Variants in NPY2R observed in about 807,000 individuals in gnomAD.
NPY2R encodes neuropeptide Y receptor type 2.
In NPY2R, 17 loss-of-function variants were observed where a neutral mutation model predicts 22.3. The ratio of observed to expected loss-of-function variants is 0.76; its 90% CI spans 0.52 to 1.14. The LOEUF (loss-of-function observed/expected upper bound fraction) is 1.14. NPY2R is among the 50% of genes most tolerant of loss of function. The pLI, the probability that NPY2R is intolerant of heterozygous loss-of-function variation, is 0.00. For missense variants in NPY2R, 424 were observed against 467.9 expected (o/e 0.91, Z 0.87); for synonymous variants, 209 against 183.4 (o/e 1.14, Z -1.13).
chr4:155,216,310 C>T lies in NPY2R; in HGVS notation c.*1225C>T, dbSNP rs1213398282. ...AAAATTGTTTCTATAAATTGTAGAA[C>T]ATAGATGCTACAGTATTTTTTATTT... is the stretch of plus-strand genomic sequence containing the variant. On this transcript the variant is annotated 3_prime_UTR_variant, in exon 2 of 2. Coordinates refer to ENST00000329476, the MANE Select transcript of NPY2R (RefSeq NM_000910.4). The T allele has an allele frequency of 1.8e-5, 3 of 166,326 alleles. No individual in the cohort carries two copies. The allele number at this position is 166,326 out of a possible 1,614,324, so 10.3% of individuals were successfully genotyped here.
intron 1 of NPY2R, among the ~76,000 whole-genome samples, chr4:155,211,523 G>A (rs989180058): frequency 2.0e-5 from 3 of 152,192 alleles, no homozygotes; most frequent in Non-Finnish European, 4.4e-5. Flanking sequence ...CGAATGTCAG[G>A]CTAAGGAGTT....
In NPY2R at chr4:155,213,419, T is replaced by C. The variant is rs75832791; in HGVS notation, c.-48-473T>C. On this transcript the variant is annotated intron_variant, in intron 1 of 1. Transcript: ENST00000329476. ...GGTTCAGGCACCAGACAAATAGTTTTAATATGTTCCCCTTTCTTATACAAT... is the reference window on the plus strand; with the variant it reads ...GGTTCAGGCACCAGACAAATAGTTTCAATATGTTCCCCTTTCTTATACAAT... Among the ~76,000 whole-genome samples the C allele has an allele frequency of 5.3e-3, 800 of 152,316 alleles. 9 individuals are homozygous for C. The highest frequency in any genetic ancestry group is 0.041 in the East Asian group (211 of 5,182).
the NPY2R span, among the ~76,000 whole-genome samples, chr4:155,181,378 AGT>A: frequency 6.6e-6 from 1 of 152,212 alleles, no homozygotes; most frequent in Non-Finnish European, 1.5e-5. Context: ...ATATTCAAAG[AGT>A]TAGGGAGAAA....
At chr4:155,177,080 GC>G in the NPY2R span, among the ~76,000 whole-genome samples, 10 of 152,126 alleles carry the variant, frequency 6.6e-5, no homozygotes, top group African/African-American at 2.4e-4. Context: ...TCTGACACTG[GC>G]CCCCCAAATT....
At chr4:155,186,709 G>A in the NPY2R span, among the ~76,000 whole-genome samples, 5 of 152,046 alleles carry the variant, frequency 3.3e-5, no homozygotes, top group African/African-American at 1.2e-4. Flanking sequence ...CCTCCTAACC[G>A]AAATTTTGTG....
the NPY2R span, among the ~76,000 whole-genome samples, chr4:155,199,332 G>A: frequency 1.3e-5 from 2 of 151,842 alleles, no homozygotes; most frequent in Non-Finnish European, 2.9e-5. Context: ...ACCTCTGCAA[G>A]GAGAAATACA....
chr4:155,173,729 A>T, the NPY2R span: 1 of 151,546 alleles, frequency 6.6e-6, no homozygotes, highest in African/African-American at 2.4e-5. Context: ...TTACGTATTG[A>T]GGAACCATAT....
At chr4:155,182,949 T>C in the NPY2R span, among the ~76,000 whole-genome samples, 1 of 152,076 alleles carries the variant, frequency 6.6e-6, no homozygotes, top group Non-Finnish European at 1.5e-5. Flanking sequence ...CCCATCACTA[T>C]GCCCGGCTAA....
chr4:155,213,532 T>G (rs867444170), intron 1 of NPY2R, among the ~76,000 whole-genome samples: 1 of 152,210 alleles, frequency 6.6e-6, no homozygotes, highest in Non-Finnish European at 1.5e-5. Context: ...ATTCAATGAA[T>G]TCATAGTGGT....
At chr4:155,211,106 C>A (rs1436482675) in intron 1 of NPY2R, among the ~76,000 whole-genome samples, 1 of 152,140 alleles carries the variant, frequency 6.6e-6, no homozygotes, top group African/African-American at 2.4e-5. Flanking sequence ...ATTATACTTT[C>A]CATTTGGCTG....
chr4:155,200,993 A>G, the NPY2R span, among the ~76,000 whole-genome samples: 1 of 151,860 alleles, frequency 6.6e-6, no homozygotes, highest in African/African-American at 2.4e-5. Context: ...CACGCTCTGC[A>G]CTTGTATCCT....
chr4:155,215,451 T>C lies in NPY2R; in HGVS notation c.*366T>C, dbSNP rs980009746. The stretch of plus-strand genomic sequence containing the variant: ...AAATAAGTTGACTTTCAAATCACGT[T>C]AGGACCTGGATTGAGGAGGTGTGCA... On this transcript the variant is annotated 3_prime_UTR_variant, in exon 2 of 2. Coordinates refer to ENST00000329476, the MANE Select transcript of NPY2R (RefSeq NM_000910.4). The C allele has an allele frequency of 2.2e-5, 8 of 371,490 alleles. No homozygotes were observed. The highest frequency in any genetic ancestry group is 4.3e-5 in the Non-Finnish European group (8 of 184,952). 23.0% of individuals were successfully genotyped at this position (371,490 alleles called of 1,614,324 possible).
the NPY2R span, among the ~76,000 whole-genome samples, chr4:155,180,917 C>T: frequency 6.6e-6 from 1 of 151,842 alleles, no homozygotes; most frequent in African/African-American, 2.4e-5. Flanking sequence ...GATGAAATTA[C>T]GTTTTATTGG....
In NPY2R at chr4:155,216,742, A is replaced by G. The variant is rs996717741; in HGVS notation, c.*1657A>G. ...TGTAAGACTTTAAGAAGCGAACAAAAAGTAATGTATATCTGTAATATATAA... is the reference window on the plus strand; with the variant it reads ...TGTAAGACTTTAAGAAGCGAACAAAGAGTAATGTATATCTGTAATATATAA... On this transcript the variant is annotated 3_prime_UTR_variant, in exon 2 of 2. Coordinates refer to ENST00000329476, the MANE Select transcript of NPY2R (RefSeq NM_000910.4). 1 of 167,082 alleles carries G rather than the reference A, an allele frequency of 6.0e-6. No individual in the cohort carries two copies. The highest frequency in any genetic ancestry group is 1.5e-5 in the Non-Finnish European group (1 of 68,102). The allele number at this position is 167,082 out of a possible 1,614,324, so 10.3% of individuals were successfully genotyped here.
At chr4:155,204,202 G>GA (rs58738862), upstream of NPY2R, among the ~76,000 whole-genome samples, 681 of 138,672 alleles carry the variant, frequency 4.9e-3, 3 homozygotes, top group East Asian at 0.016. Context: ...AAGGTGAGGG[G>GA]AAAAAAAAAA....
At chr4:155,177,927 A>G in the NPY2R span, among the ~76,000 whole-genome samples, 2 of 152,116 alleles carry the variant, frequency 1.3e-5, no homozygotes, top group African/African-American at 4.8e-5. Context: ...ACCTACCTTC[A>G]AACCATAGCA....
the NPY2R span, among the ~76,000 whole-genome samples, chr4:155,198,475 C>T: frequency 3.1e-5 from 4 of 130,688 alleles, no homozygotes; most frequent in African/African-American, 1.1e-4. Flanking sequence ...AAGTAATATG[C>T]CTATGATATA....
chr4:155,174,480 ATATATT>A, the NPY2R span, among the ~76,000 whole-genome samples: 3 of 88,732 alleles, frequency 3.4e-5, 1 homozygote, highest in African/African-American at 1.9e-4. Flanking sequence ...ATATATATAT[ATATATT>A]TTTTTTTTTA....
At chr4:155,190,801 C>A in the NPY2R span, among the ~76,000 whole-genome samples, 38 of 151,848 alleles carry the variant, frequency 2.5e-4, no homozygotes, top group African/African-American at 8.9e-4. Flanking sequence ...AAAAGGCAGG[C>A]GATTCAATAT....
Sources: gnomAD v4.1 joint callset for allele counts (sites outside exome capture counted in the v4.1 genomes callset) on GRCh38, gnomAD v4.1.1 for gene constraint, MANE v1.5 for transcripts, NCBI Gene and HGNC (gene_info 2026-07-23, HGNC 2026-07-21) for gene names.